SEPTIN9: variants seen among roughly 807,000 people sequenced by gnomAD.
SEPTIN9 encodes septin-9.
Under a neutral mutation model 56.6 loss-of-function variants are expected in SEPTIN9, and 13 were observed. The observed-to-expected ratio is 0.23, with a 90% CI of 0.15 to 0.37. The LOEUF (loss-of-function observed/expected upper bound fraction) is 0.37. Ranked by LOEUF, SEPTIN9 falls within the 10% of genes least tolerant of loss-of-function variation. The probability of loss-of-function intolerance (pLI) is 1.00; values close to 1 mark genes in which losing one functional copy is unlikely to be tolerated. For synonymous variants in SEPTIN9, 332 were observed against 334.1 expected (o/e 0.99, Z 0.07); for missense variants, 650 against 823.1 (o/e 0.79, Z 2.57).
rs2035822299 is a variant in SEPTIN9 at position 77,399,152 on chromosome 17, A to G, written c.77-2907A>G. 5.3e-5 allele frequency among the ~76,000 whole-genome samples: 8 copies of G among 152,286 alleles called. No homozygotes were observed. The South Asian group carries it at 1.7e-3, about 32-fold the overall frequency. ...GGGCCTGGCTGGAATAAATCATTGC[A>G]TCCGCACCGTAGACTCAATCGTAAG... On this transcript the variant is annotated intron_variant, in intron 2 of 11. Coordinates refer to ENST00000427177, the MANE Select transcript of SEPTIN9 (RefSeq NM_001113491.2).
intron 3 of SEPTIN9, among the ~76,000 whole-genome samples, chr17:77,448,403 G>A (rs929254524): frequency 2.4e-4 from 36 of 152,008 alleles, no homozygotes; most frequent in Admixed American, 2.6e-4. Flanking sequence ...TTGAACTCAG[G>A]AGACGGAGGT....
chr17:77,310,567 G>A lies in SEPTIN9; in HGVS notation c.76+3370G>A, dbSNP rs1445550283. On this transcript the variant is annotated intron_variant, in intron 2 of 11. Transcript: ENST00000427177. The surrounding 1 kb of genome is among the most constrained non-coding windows in gnomAD (Gnocchi z 4.7). ...GCCGAAGGTCTTCTCTGTTACTAGT[G>A]CTGCCGGGAACGTGTGTTTCCCCAG... is the stretch of plus-strand genomic sequence containing the variant. Among the ~76,000 whole-genome samples the A allele has an allele frequency of 6.9e-6, 1 of 143,962 alleles. No individual in the cohort carries two copies. Among genetic ancestry groups the A allele is most frequent in the Non-Finnish European group, 1.5e-5 (1 of 66,570 alleles). The allele number at this position is 143,962 out of a possible 152,430, so 94.4% of individuals were successfully genotyped here.
intron 2 of SEPTIN9, chr17:77,373,541 C>A (rs1354408113): frequency 6.5e-7 from 1 of 1,546,254 alleles, no homozygotes; most frequent in Non-Finnish European, 8.7e-7. Context: ...GGGATCATTT[C>A]GGACTTCGAA....
chr17:77,453,991 G>A lies in SEPTIN9; in HGVS notation c.722-28153G>A. The A allele has an allele frequency of 1.1e-6, 1 of 926,864 alleles. No homozygotes were observed. The highest frequency in any genetic ancestry group is 1.3e-6 in the Non-Finnish European group (1 of 776,414). 57.4% of individuals were successfully genotyped at this position (926,864 alleles called of 1,614,324 possible). A position where few individuals can be genotyped will look rare whatever the true frequency, so the allele number is the denominator to read the frequency against. The stretch of plus-strand genomic sequence containing the variant: ...GCAGCTTCCGTTATCTGGTTCTTCT[G>A]TACATGTAAGCCTTTCCCATACACC... On this transcript the variant is annotated intron_variant, in intron 3 of 11. Transcript: ENST00000427177. This position sits in a 1 kb window ranked among gnomAD's most constrained non-coding sequence, Gnocchi z 4.4.
chr17:77,428,533 T>G (rs2037001603), intron 3 of SEPTIN9, among the ~76,000 whole-genome samples: 1 of 152,220 alleles, frequency 6.6e-6, no homozygotes, highest in African/African-American at 2.4e-5. Context: ...GCAAAGCTGG[T>G]CGTGTCACAG....
intron 2 of SEPTIN9, among the ~76,000 whole-genome samples, chr17:77,328,279 T>G (rs1347507158): frequency 1.3e-5 from 2 of 152,272 alleles, no homozygotes; most frequent in Non-Finnish European, 2.9e-5. Context: ...GTGAAATGCC[T>G]GCTGTGTGTG....
chr17:77,402,688 C>T lies in SEPTIN9; in HGVS notation c.706C>T (p.Pro236Ser), dbSNP rs776680016. 1.3e-6 allele frequency: 2 copies of T among 1,590,430 alleles called. No homozygotes were observed. The highest frequency in any genetic ancestry group is 2.2e-5 in the East Asian group (1 of 44,570). The change falls in exon 3 of 12, where the codon CCC becomes TCC. Residue 236 changes from proline (P) to serine (S), a missense_variant. Pro to Ser is a moderately conservative substitution (Grantham distance 74). Around this residue, in one of 2 missense-constraint regions of SEPTIN9, gnomAD observed 317 missense variants for 329.1 expected, o/e 0.96. Coordinates refer to ENST00000427177, the MANE Select transcript of SEPTIN9 (RefSeq NM_001113491.2). The surrounding 1 kb of genome is among the most constrained non-coding windows in gnomAD (Gnocchi z 6.6). ...KPQPPVAEAT[P>S]RSQEATEAAP... ...CCAGCCCCCTGTGGCTGAGGCTACA[C>T]CCCGGAGCCAGGAGGGTGAGTCGCA... is the stretch of plus-strand genomic sequence containing the variant.
intron 8 of SEPTIN9, among the ~76,000 whole-genome samples, chr17:77,491,718 A>C (rs1331304611): frequency 1.3e-5 from 2 of 148,756 alleles, no homozygotes; most frequent in Non-Finnish European, 3.0e-5. Flanking sequence ...AGGCAGGAGA[A>C]TCTCTTGAAC....
chr17:77,401,471 C>T (rs1303909180), intron 2 of SEPTIN9, among the ~76,000 whole-genome samples: 1 of 152,140 alleles, frequency 6.6e-6, no homozygotes, highest in Non-Finnish European at 1.5e-5. Flanking sequence ...CAAGGCCGGG[C>T]ACGGTGGCGC....
chr17:77,370,870 A>G (rs1406667200), intron 2 of SEPTIN9, among the ~76,000 whole-genome samples: 1 of 152,166 alleles, frequency 6.6e-6, no homozygotes, highest in Non-Finnish European at 1.5e-5. Context: ...CTATGATCAA[A>G]GGACAGCTCG....
rs775738587 is a variant in SEPTIN9 at position 77,497,361 on chromosome 17, C to T, written c.1620C>T (p.Leu540=). The T allele has an allele frequency of 2.5e-6, 4 of 1,613,750 alleles. No homozygotes were observed. The South Asian group carries it at 3.3e-5, about 13-fold the overall frequency. ...AGTTTGCCTACCTGCGGGACCTTCT[C>T]ATCAGGTGAGAGACAGGGTGCTTGG... ...HCEFAYLRDL[L]IRTHMQNIKD... Residue 540 remains leucine (L), a synonymous_variant, in exon 11 of 12, where the codon CTC becomes CTT. Transcript: ENST00000427177.
At chr17:77,370,177 C>A (rs537145202) in intron 2 of SEPTIN9, among the ~76,000 whole-genome samples, 66 of 152,308 alleles carry the variant, frequency 4.3e-4, no homozygotes, top group African/African-American at 1.5e-3. Context: ...TGGCTTATAG[C>A]AAGGGGAATG....
intron 3 of SEPTIN9, among the ~76,000 whole-genome samples, chr17:77,411,543 A>G (rs1377954659): frequency 2.0e-5 from 3 of 152,044 alleles, no homozygotes; most frequent in Admixed American, 6.6e-5. Context: ...CTGAAATCAC[A>G]GGTGCTTGCC....
intron 2 of SEPTIN9, among the ~76,000 whole-genome samples, chr17:77,312,912 G>A (rs1165915373): frequency 1.3e-5 from 2 of 152,166 alleles, no homozygotes; most frequent in Non-Finnish European, 2.9e-5. Flanking sequence ...CACATTGCAA[G>A]CGTTCACTGC....
chr17:77,396,201 C>T (rs763403314), intron 2 of SEPTIN9, among the ~76,000 whole-genome samples: 1 of 152,202 alleles, frequency 6.6e-6, no homozygotes, highest in Non-Finnish European at 1.5e-5. Context: ...CCAACATGAC[C>T]TGGCTCCGCA....
chr17:77,437,809 C>G lies in SEPTIN9; in HGVS notation c.721+35106C>G, dbSNP rs796687239. ...CCCCCCAACCCCTTTCGGGTACATT[C>G]TCCTGTAGCCCCACTCCCTGTAAGA... On this transcript the variant is annotated intron_variant, in intron 3 of 11. Coordinates refer to ENST00000427177, the MANE Select transcript of SEPTIN9 (RefSeq NM_001113491.2). This position sits in a 1 kb window ranked among gnomAD's most constrained non-coding sequence, Gnocchi z 5.3. Among the ~76,000 whole-genome samples, 12 of 152,364 alleles carry G rather than the reference C, an allele frequency of 7.9e-5. 2 individuals are homozygous for G. The highest frequency in any genetic ancestry group is 2.9e-4 in the African/African-American group (12 of 41,580).
At chr17:77,439,373 C>T (rs2144331099) in intron 3 of SEPTIN9, among the ~76,000 whole-genome samples, 1 of 152,210 alleles carries the variant, frequency 6.6e-6, no homozygotes, top group African/African-American at 2.4e-5. Flanking sequence ...GCCCTGGGGG[C>T]CCCAGGGACC....
At chr17:77,454,623 C>A (rs1440406456) in intron 3 of SEPTIN9, among the ~76,000 whole-genome samples, 2 of 152,214 alleles carry the variant, frequency 1.3e-5, no homozygotes, top group African/African-American at 2.4e-5. Context: ...TGCTCCGGGG[C>A]CTGTAGAGCA....
At chr17:77,315,735 C>T (rs893938097) in intron 2 of SEPTIN9, among the ~76,000 whole-genome samples, 12 of 152,256 alleles carry the variant, frequency 7.9e-5, no homozygotes, top group African/African-American at 2.9e-4. Context: ...CTCTTCCTTC[C>T]CGCCCTGCCA....
Sources: gnomAD v4.1 joint callset for allele counts (sites outside exome capture counted in the v4.1 genomes callset) on GRCh38, gnomAD v4.1.1 for gene constraint, gnomAD v4.1.1 regional missense constraint, Gnocchi (gnomAD v3.1) non-coding constraint, MANE v1.5 for transcripts, NCBI Gene and HGNC (gene_info 2026-07-23, HGNC 2026-07-21) for gene names.